TSC22D3: variants seen among roughly 807,000 people sequenced by gnomAD.
The protein encoded by TSC22D3 is TSC22 domain family protein 3.
TSC22D3 carries 4 observed loss-of-function variants against 11.1 expected under a neutral mutation model. That is an observed-to-expected ratio of 0.36 (90% confidence interval 0.18 to 0.83). The LOEUF (loss-of-function observed/expected upper bound fraction) is 0.83. Among genes scored for constraint, TSC22D3 ranks in the 40% least tolerant of loss-of-function variants. The probability of loss-of-function intolerance (pLI) is 0.48; values close to 1 mark genes in which losing one functional copy is unlikely to be tolerated. For synonymous variants in TSC22D3, 77 were observed against 70.3 expected (o/e 1.10, Z -0.48); for missense variants, 118 against 159.4 (o/e 0.74, Z 1.40).
chrX:107,731,456 G>A (rs1452409662), intron 1 of TSC22D3, among the ~76,000 whole-genome samples: 3 of 111,815 alleles, frequency 2.7e-5, no homozygotes, highest in Non-Finnish European at 5.6e-5. Context: ...GGTTGAGGCT[G>A]CAAAATTATA....
intron 1 of TSC22D3, among the ~76,000 whole-genome samples, chrX:107,717,587 A>G (rs1927116490): frequency 1.8e-5 from 2 of 112,584 alleles, no homozygotes; most frequent in African/African-American, 6.5e-5. Context: ...CCTGAACCCC[A>G]GCACTCATCC....
chrX:107,761,576 T>G (rs774417269), intron 1 of TSC22D3, among the ~76,000 whole-genome samples: 49 of 112,397 alleles, frequency 4.4e-4, no homozygotes, highest in African/African-American at 1.5e-3. Context: ...ACCTGGCAAG[T>G]GATGAGCTCT....
At chrX:107,768,393 G>A (rs1407497121) in intron 1 of TSC22D3, among the ~76,000 whole-genome samples, 2 of 112,513 alleles carry the variant, frequency 1.8e-5, no homozygotes, top group African/African-American at 6.5e-5. Context: ...TGGATTATCT[G>A]CAAGTGCAAA....
At chrX:107,769,715 TCACACACA>T (rs748668681) in intron 1 of TSC22D3, among the ~76,000 whole-genome samples, 1 of 101,518 alleles carries the variant, frequency 9.9e-6, no homozygotes, top group East Asian at 3.0e-4. Flanking sequence ...TCTTTCTCTT[TCACACACA>T]CACACACACA....
intron 1 of TSC22D3, among the ~76,000 whole-genome samples, chrX:107,767,550 C>T (rs1929722091): frequency 1.8e-5 from 2 of 112,420 alleles, no homozygotes; most frequent in African/African-American, 6.5e-5. Context: ...GAAATTCCCT[C>T]CTGCCTGGAA....
intron 1 of TSC22D3, chrX:107,721,802 T>C: frequency 2.2e-6 from 1 of 454,540 alleles, no homozygotes. Flanking sequence ...CCTCCCCACT[T>C]ACTCCTCCAC....
At chrX:107,767,568 G>A (rs1929723328) in intron 1 of TSC22D3, among the ~76,000 whole-genome samples, 1 of 112,377 alleles carries the variant, frequency 8.9e-6, no homozygotes, top group Non-Finnish European at 1.9e-5. Flanking sequence ...GAATAGAATC[G>A]AGAAAAGCTT....
chrX:107,733,120 T>A (rs80190233), intron 1 of TSC22D3, among the ~76,000 whole-genome samples: 4 of 105,409 alleles, frequency 3.8e-5, no homozygotes, highest in Non-Finnish European at 7.8e-5. Flanking sequence ...AAAAAAAAAA[T>A]TATCTGTGTA....
intron 1 of TSC22D3, among the ~76,000 whole-genome samples, chrX:107,762,711 T>C (rs181396593): frequency 1.5e-3 from 162 of 109,787 alleles, no homozygotes; most frequent in African/African-American, 5.1e-3. Context: ...CTATCTAATC[T>C]CAATTCTTCA....
Position 107,775,293 on chromosome X carries a change from G to A in TSC22D3, c.127C>T (p.Pro43Ser). Residue 43 changes from proline (P) to serine (S), a missense_variant, in exon 1 of 3, where the codon CCT becomes TCT. Physicochemically the swap from Pro to Ser is moderately conservative, Grantham distance 74 (BLOSUM62 -1). Transcript: ENST00000372383. ...AGCTGCCGAAAGTTGCTCACTGTAGGGCTGCCCGGGTTGTTGTTCTCCCCG... is the reference window on the plus strand; with the variant it reads ...AGCTGCCGAAAGTTGCTCACTGTAGAGCTGCCCGGGTTGTTGTTCTCCCCG... ...SSGENNNPGS[P>S]TVSNFRQLQE... 2 of 1,211,785 alleles carry A rather than the reference G, an allele frequency of 1.7e-6. No individual in the cohort carries two copies. The highest frequency in any genetic ancestry group is 2.2e-6 in the Non-Finnish European group (2 of 895,499).
In TSC22D3 at chrX:107,757,077, G is replaced by C. The variant is rs185010583; in HGVS notation, c.320+18023C>G. On this transcript the variant is annotated intron_variant, in intron 1 of 2. Transcript: ENST00000372383. ...GCATTCTGTGGGCAAGATGTGTGCT[G>C]ATTTTGACTAAACAGACGGACAGTC... 5.4e-4 allele frequency among the ~76,000 whole-genome samples: 61 copies of C among 112,390 alleles called. 1 individual carries two copies. In the East Asian group the frequency reaches 7.2e-3, roughly 13 times the overall value.
At chrX:107,736,633 C>G (rs1447350580) in intron 1 of TSC22D3, among the ~76,000 whole-genome samples, 2 of 111,267 alleles carry the variant, frequency 1.8e-5, no homozygotes, top group East Asian at 5.6e-4. Flanking sequence ...GATGCAAGGC[C>G]AAGTCACCAG....
At chrX:107,723,220 A>G in intron 1 of TSC22D3, among the ~76,000 whole-genome samples, 1 of 111,463 alleles carries the variant, frequency 9.0e-6, no homozygotes, top group East Asian at 2.8e-4. Flanking sequence ...TTTCTGTGGG[A>G]TCTACCACTC....
At chrX:107,750,564 G>C (rs1477873569) in intron 1 of TSC22D3, among the ~76,000 whole-genome samples, 1 of 111,522 alleles carries the variant, frequency 9.0e-6, no homozygotes, top group Non-Finnish European at 1.9e-5. Flanking sequence ...TTAGAGCCCA[G>C]AAACAGGAGA....
At chrX:107,761,531 G>A (rs190092130) in intron 1 of TSC22D3, among the ~76,000 whole-genome samples, 4,453 of 112,346 alleles carry the variant, frequency 0.04, 216 homozygotes, top group African/African-American at 0.14. Context: ...TCACGCATTA[G>A]TTCTTTCTTC....
intron 1 of TSC22D3, among the ~76,000 whole-genome samples, chrX:107,744,915 G>A (rs1336562629): frequency 9.0e-6 from 1 of 111,686 alleles, no homozygotes; most frequent in East Asian, 2.8e-4. Context: ...TTCTCCTGTG[G>A]CACCCAGTAC....
At chrX:107,749,133 A>G (rs1928812842) in intron 1 of TSC22D3, among the ~76,000 whole-genome samples, 1 of 107,734 alleles carries the variant, frequency 9.3e-6, no homozygotes, top group Non-Finnish European at 1.9e-5. Flanking sequence ...TCAGGAGTTC[A>G]AGACCAGCCT....
chrX:107,765,334 G>A (rs1296935029), intron 1 of TSC22D3, among the ~76,000 whole-genome samples: 1 of 111,976 alleles, frequency 8.9e-6, no homozygotes, highest in Non-Finnish European at 1.9e-5. Flanking sequence ...GCTGGACCAG[G>A]TTTGCAAAGG....
chrX:107,716,655 G>C (rs372162547), intron 1 of TSC22D3: 1 of 1,147,856 alleles, frequency 8.7e-7, no homozygotes, highest in Admixed American at 2.4e-5. Context: ...CGGCGCCCCG[G>C]CTCGGGAGGC....
Sources: allele counts gnomAD v4.1 joint callset (sites outside exome capture counted in the v4.1 genomes callset), GRCh38; gene constraint gnomAD v4.1.1; transcripts MANE v1.5; gene names NCBI Gene and HGNC (gene_info 2026-07-23, HGNC 2026-07-21).